The following PHF3 variants were observed in gnomAD, a reference collection of about 807,000 sequenced individuals.
The protein encoded by PHF3 is PHD finger protein 3.
PHF3 carries 41 observed loss-of-function variants against 178.4 expected under a neutral mutation model. That is an observed-to-expected ratio of 0.23 (90% CI 0.18 to 0.30). The LOEUF (loss-of-function observed/expected upper bound fraction) is 0.30, where lower values mean the gene tolerates loss of function less well. PHF3 is among the 10% of genes least tolerant of loss of function. The pLI is 1.00. For missense variants in PHF3, 2,346 were observed against 2,398.1 expected (o/e 0.98, Z 0.45); for synonymous variants, 842 against 800.5 (o/e 1.05, Z -0.88).
chr6:63,700,793 A>T (rs1248006884), intron 9 of PHF3, among the ~76,000 whole-genome samples: 1 of 152,196 alleles, frequency 6.6e-6, no homozygotes, highest in East Asian at 1.9e-4. Flanking sequence ...CTCTTAAACC[A>T]GGATGGTCTC....
intron 14 of PHF3, among the ~76,000 whole-genome samples, chr6:63,710,930 T>C (rs1325127730): frequency 6.6e-6 from 1 of 152,194 alleles, no homozygotes; most frequent in Non-Finnish European, 1.5e-5. Flanking sequence ...ACTCCATTTC[T>C]TATGTTTCCG....
intron 1 of PHF3, among the ~76,000 whole-genome samples, chr6:63,642,573 A>G (rs1233392838): frequency 6.6e-6 from 1 of 152,248 alleles, no homozygotes; most frequent in Non-Finnish European, 1.5e-5. Context: ...TTACCCAGAA[A>G]CAATTTCTGA....
chr6:63,672,646 A>G (rs1765968881), intron 2 of PHF3, among the ~76,000 whole-genome samples: 1 of 152,192 alleles, frequency 6.6e-6, no homozygotes, highest in African/African-American at 2.4e-5. Flanking sequence ...ACATGATAGG[A>G]TATCTACTGT....
chr6:63,644,707 T>G (rs1046858320), intron 1 of PHF3, among the ~76,000 whole-genome samples: 1 of 152,142 alleles, frequency 6.6e-6, no homozygotes, highest in Non-Finnish European at 1.5e-5. Flanking sequence ...GAGAGGAATT[T>G]GCTTTTTTTT....
At chr6:63,701,738 T>A (rs1356053898) in intron 9 of PHF3, among the ~76,000 whole-genome samples, 1 of 152,196 alleles carries the variant, frequency 6.6e-6, no homozygotes, top group Non-Finnish European at 1.5e-5. Flanking sequence ...TCCTCTTATA[T>A]TTTGAAAATA....
Position 63,636,079 on chromosome 6 carries a change from T to G in PHF3, c.-97T>G, listed in dbSNP as rs1206950630. On this transcript the variant is annotated 5_prime_UTR_variant, in exon 1 of 16. Transcript: ENST00000262043. ...CGGCACCCACCGGGCCCCCTCCTCC[T>G]CCTCTTCGGCGGCGGCAGCGTCCAC... 2.6e-5 allele frequency: 10 copies of G among 391,740 alleles called. No homozygotes were observed. The East Asian group carries it at 3.6e-4, about 14-fold the overall frequency. The allele number at this position is 391,740 out of a possible 1,614,324, so 24.3% of individuals were successfully genotyped here.
rs1768259862 is a variant in PHF3 at position 63,718,588 on chromosome 6, C to T, written c.*4880C>T. Among the ~76,000 whole-genome samples the T allele has an allele frequency of 6.6e-6, 1 of 151,944 alleles. No individual in the cohort carries two copies. The highest frequency in any genetic ancestry group is 2.1e-4 in the South Asian group (1 of 4,826). On this transcript the variant is annotated 3_prime_UTR_variant, in exon 16 of 16. Transcript: ENST00000262043. ...GGGCTGGATTCTCTTACCTGCCCTG[C>T]ATTCAGTGTTTTGTAGTATGTCATT...
chr6:63,646,887 T>C (rs886675037), intron 2 of PHF3, 92 bp downstream of exon 2: 2 of 907,344 alleles, frequency 2.2e-6, no homozygotes, highest in Non-Finnish European at 2.9e-6. Context: ...TTTTTTTCTT[T>C]TTTTTTTTTT....
rs1290330286 is a variant in PHF3, at chr6:63,694,654, G to A, written c.2570G>A (p.Arg857His). 7 of 1,595,666 alleles carry A rather than the reference G, an allele frequency of 4.4e-6. No individual in the cohort carries two copies. The African/African-American group carries it at 5.4e-5, about 12-fold the overall frequency. ...EIKKWQLAPL[R>H]KMGQPVLPRR... ...AAAAAATGGCAGCTAGCTCCTCTTC[G>A]TAAGATGGGACAACCAGTTTTACCT... Residue 857 changes from arginine (R) to histidine (H), a missense_variant, in exon 6 of 16, where the codon CGT becomes CAT. By Grantham distance (29) the Arg-to-His change is conservative. Transcript: ENST00000262043.
rs564956661 is a variant in PHF3 at position 63,690,321 on chromosome 6, A to G, written c.2190-1416A>G. On this transcript the variant is annotated intron_variant, in intron 4 of 15. Coordinates refer to ENST00000262043, the MANE Select transcript of PHF3 (RefSeq NM_001370348.2). ...GCACAGGTATTACCAGCAAGGATAA[A>G]GAATGATAAGTTATAGATGTGATGA... Among the ~76,000 whole-genome samples, 6 of 152,298 alleles carry G rather than the reference A, an allele frequency of 3.9e-5. No homozygotes were observed. In the East Asian group the frequency reaches 1.2e-3, roughly 29 times the overall value.
rs146134509 is a variant in PHF3 at position 63,711,951 on chromosome 6, A to G, written c.4363A>G (p.Thr1455Ala). 137 of 1,613,788 alleles carry G rather than the reference A, an allele frequency of 8.5e-5. No homozygotes were observed. The Middle Eastern group carries it at 1.3e-3, about 15-fold the overall frequency. The stretch of plus-strand genomic sequence containing the variant: ...GTTGATTGGCTGGGAGAATCAACCT[A>G]CTACTCTGGAATTAGCAAATAAACC... ...GVLIGWENQP[T>A]TLELANKPLP... Residue 1455 changes from threonine (T) to alanine (A), a missense_variant, in exon 16 of 16, where the codon ACT (threonine) becomes GCT (alanine). Transcript: ENST00000262043.
At chr6:63,658,976 T>C (rs1765354307) in intron 2 of PHF3, among the ~76,000 whole-genome samples, 3 of 152,172 alleles carry the variant, frequency 2.0e-5, no homozygotes. Flanking sequence ...GACCTTTACC[T>C]AATTGATTGT....
Position 63,720,915 on chromosome 6 carries a change from A to C in PHF3, c.*7207A>C. ...TACATGGTGCCATTTATTACAACAG[A>C]ATGTGCCATTGTTATAGCTCATAGG... On this transcript the variant is annotated 3_prime_UTR_variant, in exon 16 of 16. Coordinates refer to ENST00000262043, the MANE Select transcript of PHF3 (RefSeq NM_001370348.2). The C allele has an allele frequency of 1.3e-6, 2 of 1,550,986 alleles. No individual in the cohort carries two copies. Among genetic ancestry groups the C allele is most frequent in the Non-Finnish European group, 1.7e-6 (2 of 1,146,484 alleles).
rs1044536571 is a variant in PHF3 at position 63,714,901 on chromosome 6, G to A, written c.*1193G>A. 5.9e-5 allele frequency: 9 copies of A among 151,786 alleles called. No individual in the cohort carries two copies. Among genetic ancestry groups the A allele is most frequent in the Non-Finnish European group, 1.3e-4 (9 of 67,942 alleles). The allele number at this position is 151,786 out of a possible 1,614,324, so 9.4% of individuals were successfully genotyped here. A position where few individuals can be genotyped will look rare whatever the true frequency, so the allele number is the denominator to read the frequency against. On this transcript the variant is annotated 3_prime_UTR_variant, in exon 16 of 16. Coordinates refer to ENST00000262043, the MANE Select transcript of PHF3 (RefSeq NM_001370348.2). ...TTGAAAAAAAAATATGAAAACTATT[G>A]TTAATTCAAATCTAAATTTATTTAA...
At chr6:63,636,533 C>T (rs1357574699) in intron 1 of PHF3, 3 of 152,190 alleles carry the variant, frequency 2.0e-5, no homozygotes, top group East Asian at 3.9e-4. Flanking sequence ...CCTGGAAGGC[C>T]CGTCTCGCAG....
At chr6:63,697,390 A>T (rs761588950) in intron 6 of PHF3, among the ~76,000 whole-genome samples, 5 of 152,364 alleles carry the variant, frequency 3.3e-5, no homozygotes, top group Non-Finnish European at 7.3e-5. Context: ...TGAAATAGAT[A>T]TCTTAAAAAG....
chr6:63,663,826 C>T (rs963131522), intron 2 of PHF3, among the ~76,000 whole-genome samples: 1 of 152,150 alleles, frequency 6.6e-6, no homozygotes, highest in Non-Finnish European at 1.5e-5. Flanking sequence ...TGACTAATTT[C>T]ACCTTTATTG....
Position 63,685,022 on chromosome 6 carries a change from A to T in PHF3, c.1300A>T (p.Asn434Tyr). Residue 434 changes from asparagine (N) to tyrosine (Y), a missense_variant, in exon 4 of 16, where the codon AAT becomes TAT. By Grantham distance (143) the Asn-to-Tyr change is moderately radical. Around this residue, in one of 8 missense-constraint regions of PHF3, gnomAD observed 843 missense variants for 795.2 expected, o/e 1.06. Transcript: ENST00000262043. ...TACTAGTACTTTTGGACCGGAAAGTAATATCTTGGAAAATGCTATTTGTGA... is the reference window on the plus strand; with the variant it reads ...TACTAGTACTTTTGGACCGGAAAGTTATATCTTGGAAAATGCTATTTGTGA... ...VDTSTFGPESNILENAICDVP... is the reference protein window; with the variant it reads ...VDTSTFGPESYILENAICDVP... 8 of 1,614,138 alleles carry T rather than the reference A, an allele frequency of 5.0e-6. No individual in the cohort carries two copies. Among genetic ancestry groups the T allele is most frequent in the Non-Finnish European group, 6.8e-6 (8 of 1,179,992 alleles).
intron 4 of PHF3, among the ~76,000 whole-genome samples, chr6:63,686,991 C>T (rs1766737868): frequency 6.6e-6 from 1 of 152,138 alleles, no homozygotes; most frequent in African/African-American, 2.4e-5. Flanking sequence ...GTGATCCAGC[C>T]CGTGGCCTAT....
Sources: gnomAD v4.1 joint callset for allele counts (sites outside exome capture counted in the v4.1 genomes callset) on GRCh38, gnomAD v4.1.1 for gene constraint, gnomAD v4.1.1 regional missense constraint, MANE v1.5 for transcripts, NCBI Gene and HGNC (gene_info 2026-07-23, HGNC 2026-07-21) for gene names.